The following WWC1 variants were observed in gnomAD, a reference collection of about 807,000 sequenced individuals.
WWC1 encodes the protein WW and C2 domain containing 1, also known as protein KIBRA.
A neutral mutation model predicts 138.4 loss-of-function variants in WWC1; 55 were observed. That is an observed-to-expected ratio of 0.40 (90% CI 0.32 to 0.50). The LOEUF (loss-of-function observed/expected upper bound fraction) is 0.50, where lower values mean the gene tolerates loss of function less well. WWC1 is among the 20% of genes least tolerant of loss of function. WWC1 has a pLI of 0.72. For synonymous variants in WWC1, 524 were observed against 564.9 expected, an observed-to-expected ratio of 0.93 and a Z score of 1.03; for missense variants, 1,226 against 1,420.4, an observed-to-expected ratio of 0.86 and a Z score of 2.20.
intron 1 of WWC1, among the ~76,000 whole-genome samples, chr5:168,310,402 GTGTATA>G (rs1770963965): frequency 6.6e-6 from 1 of 150,582 alleles, no homozygotes; most frequent in African/African-American, 2.4e-5. Flanking sequence ...AATTGTGTGT[GTGTATA>G]TATATATATA....
intron 15 of WWC1, among the ~76,000 whole-genome samples, chr5:168,432,779 G>A (rs1782050316): frequency 6.6e-6 from 1 of 152,210 alleles, no homozygotes; most frequent in Admixed American, 6.5e-5. Context: ...TGTTGGAAAT[G>A]GATGGGTTGA....
intron 1 of WWC1, among the ~76,000 whole-genome samples, chr5:168,329,040 C>T (rs1378917849): frequency 6.6e-6 from 1 of 152,196 alleles, no homozygotes; most frequent in Non-Finnish European, 1.5e-5. Flanking sequence ...AGGTGGATGT[C>T]GTTGCTCTTT....
chr5:168,335,182 G>C (rs924985954), intron 1 of WWC1, among the ~76,000 whole-genome samples: 1 of 152,206 alleles, frequency 6.6e-6, no homozygotes, highest in Non-Finnish European at 1.5e-5. Context: ...ACTTTTTGCT[G>C]GTGCAGGTGC....
chr5:168,422,092 GA>G lies in WWC1; in HGVS notation c.1273del (p.Ser425ValfsTer107). On this transcript the variant is annotated frameshift_variant, in exon 10 of 23. Coordinates refer to ENST00000265293, the MANE Select transcript of WWC1 (RefSeq NM_015238.3). LOFTEE classifies it high-confidence loss of function. The stretch of plus-strand genomic sequence containing the variant: ...AGGTGGCAACTCTGCACTCCCAGCT[GA>G]AAAGGTGAGTGGTGGGCGGTGAGGC... ...RQVATLHSQL[K>X]SLSSSMQSLS... 6.2e-7 allele frequency: 1 copy of G among 1,612,762 alleles called. No homozygotes were observed. The highest frequency in any genetic ancestry group is 8.5e-7 in the Non-Finnish European group (1 of 1,179,270).
chr5:168,367,148 G>T (rs950582299), intron 1 of WWC1, among the ~76,000 whole-genome samples: 1 of 151,882 alleles, frequency 6.6e-6, no homozygotes, highest in Non-Finnish European at 1.5e-5. Flanking sequence ...GATTTCCCAG[G>T]TCTATTGAAT....
intron 1 of WWC1, among the ~76,000 whole-genome samples, chr5:168,295,483 CGTGTGTGTGTGTGT>C (rs3138761): frequency 3.5e-5 from 5 of 142,484 alleles, no homozygotes; most frequent in Non-Finnish European, 4.6e-5. Flanking sequence ...ATTTCTACTC[CGTGTGTGTGTGTGT>C]GTGTGTGTGT....
At chr5:168,350,957 C>A (rs973457162) in intron 1 of WWC1, among the ~76,000 whole-genome samples, 4 of 152,050 alleles carry the variant, frequency 2.6e-5, no homozygotes, top group Non-Finnish European at 4.4e-5. Context: ...ACCATCCTGG[C>A]CAACATGGTG....
intron 9 of WWC1, 109 bp downstream of exon 9, chr5:168,414,699 T>C (rs1780472343): frequency 2.7e-5 from 38 of 1,404,796 alleles, no homozygotes; most frequent in Non-Finnish European, 3.5e-5. Flanking sequence ...GGCTCCACCC[T>C]GAGCACGCTC....
At chr5:168,446,232 T>TAAAAA (rs60746695) in intron 17 of WWC1, among the ~76,000 whole-genome samples, 11 of 58,768 alleles carry the variant, frequency 1.9e-4, no homozygotes, top group East Asian at 6.2e-4. Flanking sequence ...CTCCCATTAT[T>TAAAAA]AAAAAAAAAA....
intron 9 of WWC1, chr5:168,416,620 A>T (rs1780682204): frequency 6.6e-6 from 1 of 152,152 alleles, no homozygotes; most frequent in Non-Finnish European, 1.5e-5. Flanking sequence ...GCTATTCATC[A>T]TCCCCACAGC....
chr5:168,414,382 G>C lies in WWC1; in HGVS notation c.976G>C (p.Asp326His), dbSNP rs1375311668. 2 of 1,610,342 alleles carry C rather than the reference G, an allele frequency of 1.2e-6. No individual in the cohort carries two copies. Among genetic ancestry groups the C allele is most frequent in the East Asian group, 4.5e-5 (2 of 44,812 alleles). ...CCTGAAGATCCAGCTGGCCAAGCTT[G>C]ACAGTGAGGCCTGGCCTGGGGTGCT... ...ANLKIQLAKL[D>H]SEAWPGVLDS... The change falls in exon 9 of 23, where the codon GAC becomes CAC. Residue 326 changes from aspartate to histidine, a missense_variant. Around this residue, in one of 3 missense-constraint regions of WWC1, gnomAD observed 1,016 missense variants for 1,153.9 expected, o/e 0.88. Transcript: ENST00000265293.
intron 6 of WWC1, among the ~76,000 whole-genome samples, chr5:168,407,589 A>T (rs1319262273): frequency 6.6e-6 from 1 of 152,228 alleles, no homozygotes; most frequent in Admixed American, 6.5e-5. Flanking sequence ...GAGCTCATGG[A>T]CAGTGAGGCA....
Position 168,403,070 on chromosome 5 carries a change from C to CT in WWC1, c.591-3125dup, listed in dbSNP as rs148600569. Among the ~76,000 whole-genome samples the CT allele has an allele frequency of 2.1e-3, 181 of 86,780 alleles. 1 individual carries two copies. Among genetic ancestry groups the CT allele is most frequent in the African/African-American group, 7.3e-3 (143 of 19,474 alleles). The allele number at this position is 86,780 out of a possible 152,430, so 56.9% of individuals were successfully genotyped here. On this transcript the variant is annotated intron_variant, in intron 5 of 22. Transcript: ENST00000265293. ...TCTTTCTTTCTTTCTTTCTTTCTTT[C>CT]TTTCTTTCTTTTCTTTCTTTTCTTT... is the stretch of plus-strand genomic sequence containing the variant.
intron 17 of WWC1, among the ~76,000 whole-genome samples, chr5:168,449,471 G>A (rs1287682054): frequency 1.3e-5 from 2 of 151,978 alleles, no homozygotes; most frequent in African/African-American, 4.8e-5. Context: ...AGCACCTGGA[G>A]CTTATTGAGC....
In WWC1 at chr5:168,414,573, C is replaced by A. The variant is rs1284216686; in HGVS notation, c.1167C>A (p.Ser389Arg). Residue 389 changes from serine (S) to arginine (R), a missense_variant, in exon 9 of 23, where the codon AGC (serine) becomes AGA (arginine). Physicochemically the swap from Ser to Arg is moderately radical, Grantham distance 110 (BLOSUM62 -1). This residue lies in a region of WWC1 where 1,016 missense variants were observed against 1,153.9 expected (regional missense o/e 0.88). Transcript: ENST00000265293. ...KDLQAARDTQ[S>R]KALTERLKLN... ...TGCAGGCAGCCCGGGACACCCAGAGCAAGGCGCTGACGGAGAGGTGGGGCT... is the reference window on the plus strand; with the variant it reads ...TGCAGGCAGCCCGGGACACCCAGAGAAAGGCGCTGACGGAGAGGTGGGGCT... 13 of 1,552,600 alleles carry A rather than the reference C, an allele frequency of 8.4e-6. No homozygotes were observed. The highest frequency in any genetic ancestry group is 8.7e-7 in the Non-Finnish European group (1 of 1,148,248).
intron 20 of WWC1, among the ~76,000 whole-genome samples, chr5:168,462,900 A>G (rs1174739021): frequency 6.6e-6 from 1 of 152,262 alleles, no homozygotes; most frequent in Non-Finnish European, 1.5e-5. Flanking sequence ...TGAGCCACGT[A>G]GATCACTCAG....
At chr5:168,414,130 C>G (rs1780416225) in intron 8 of WWC1, 1 of 588,586 alleles carries the variant, frequency 1.7e-6, no homozygotes, top group Non-Finnish European at 2.9e-6. Flanking sequence ...TTGTTCATGT[C>G]TGCACCCCAT....
Position 168,382,112 on chromosome 5 carries a change from A to T in WWC1, c.230-3099A>T, listed in dbSNP as rs77202869. On this transcript the variant is annotated intron_variant, in intron 2 of 22. Transcript: ENST00000265293. Reference sequence around the variant, plus strand: ...ACTGAAAACAATTCAAATATTTCCCATCGAGGTCTGGTTAAATAAACCCAA... The same window carrying T: ...ACTGAAAACAATTCAAATATTTCCCTTCGAGGTCTGGTTAAATAAACCCAA... Among the ~76,000 whole-genome samples the T allele has an allele frequency of 1.9e-3, 282 of 152,314 alleles. 3 individuals carry two copies. The East Asian group carries it at 0.038, about 21-fold the overall frequency.
chr5:168,444,624 C>T (rs755602569), intron 17 of WWC1, 39 bp downstream of exon 17: 7 of 1,606,852 alleles, frequency 4.4e-6, no homozygotes, highest in Non-Finnish European at 2.6e-6. Flanking sequence ...AGCTGCCCTG[C>T]CTGGACCTAG....
Sources: allele counts gnomAD v4.1 joint callset (sites outside exome capture counted in the v4.1 genomes callset), GRCh38; gene constraint gnomAD v4.1.1; regional missense constraint gnomAD v4.1.1; transcripts MANE v1.5; gene names NCBI Gene and HGNC (gene_info 2026-07-23, HGNC 2026-07-21).